Variants in ASB2 observed in about 807,000 individuals in gnomAD.
ASB2 encodes the protein ankyrin repeat and SOCS box protein 2.
A neutral mutation model predicts 62.4 loss-of-function variants in ASB2; 58 were observed. That is an observed-to-expected ratio of 0.93 (90% CI 0.75 to 1.16). The LOEUF (loss-of-function observed/expected upper bound fraction) is 1.16. Among genes scored for constraint, ASB2 ranks in the 50% most tolerant of loss-of-function variants. The pLI, the probability that ASB2 is intolerant of heterozygous loss-of-function variation, is 0.00. For synonymous variants in ASB2, 386 were observed against 385.3 expected (o/e 1.00, Z -0.02); for missense variants, 928 against 887.9 (o/e 1.05, Z -0.57).
chr14:93,954,399 T>C lies in ASB2; in HGVS notation c.396A>G (p.Ala132=), dbSNP rs937752880. 3 of 1,614,108 alleles carry C rather than the reference T, an allele frequency of 1.9e-6. No homozygotes were observed. Among genetic ancestry groups the C allele is most frequent in the Non-Finnish European group, 2.5e-6 (3 of 1,179,928 alleles). The part of the protein sequence containing the change: ...KTMIKEGKNL[A]EPNKEGWLPL... Reference sequence around the variant, plus strand: ...GCAGCCAGCCCTCCTTGTTGGGCTCTGCGAGATTCTTCCCTTCCTTGATCA... The same window carrying C: ...GCAGCCAGCCCTCCTTGTTGGGCTCCGCGAGATTCTTCCCTTCCTTGATCA... Residue 132 remains alanine, a synonymous_variant, in exon 4 of 10, where the codon GCA becomes GCG. Coordinates refer to ENST00000555019, the MANE Select transcript of ASB2 (RefSeq NM_001202429.2).
intron 3 of ASB2, 109 bp downstream of exon 3, chr14:93,956,657 T>TA (rs1889220292): frequency 1.4e-6 from 2 of 1,460,990 alleles, no homozygotes; most frequent in African/African-American, 2.8e-5. Flanking sequence ...GGTGCCTCCA[T>TA]AGTGCCCTCT....
Position 93,947,536 on chromosome 14 carries a change from A to T in ASB2, c.881-16T>A, listed in dbSNP as rs1291743666. 6.2e-7 allele frequency: 1 copy of T among 1,611,798 alleles called. No individual in the cohort carries two copies. Among genetic ancestry groups the T allele is most frequent in the South Asian group, 1.1e-5 (1 of 91,088 alleles). On this transcript the variant is annotated splice_polypyrimidine_tract_variant and intron_variant, in intron 6 of 9. Coordinates refer to ENST00000555019, the MANE Select transcript of ASB2 (RefSeq NM_001202429.2). ...ATGTCAGCACCTGGGGAAGGAGAAGAGATCAGCAAGTGGCCAAGTGACCGG... is the reference window on the plus strand; with the variant it reads ...ATGTCAGCACCTGGGGAAGGAGAAGTGATCAGCAAGTGGCCAAGTGACCGG...
In ASB2 at chr14:93,937,752, G is replaced by A; in HGVS notation, c.1717C>T (p.Leu573=). The change falls in exon 9 of 10, where the codon CTG becomes TTG. Residue 573 remains leucine (L), a synonymous_variant. Transcript: ENST00000555019. ...TCAAAGCTGTCGATGTGTTCCTTCA[G>A]CCGCGAGCAGAGCTGCACGTTGCCC... is the stretch of plus-strand genomic sequence containing the variant. ...YVGNVQLCSR[L]KEHIDSFEDW... 1 of 1,613,204 alleles carries A rather than the reference G, an allele frequency of 6.2e-7. No individual in the cohort carries two copies. The highest frequency in any genetic ancestry group is 2.2e-5 in the East Asian group (1 of 44,854).
Position 93,934,642 on chromosome 14 carries a change from C to T in ASB2, c.*14G>A, listed in dbSNP as rs912486696. On this transcript the variant is annotated 3_prime_UTR_variant, in exon 10 of 10. Coordinates refer to ENST00000555019, the MANE Select transcript of ASB2 (RefSeq NM_001202429.2). Reference sequence around the variant, plus strand: ...AGAGTCTGAGGGGCTACTCCTCTCTCCCCGTGGCCCCAGTTACTGGGTGTT... The same window carrying T: ...AGAGTCTGAGGGGCTACTCCTCTCTTCCCGTGGCCCCAGTTACTGGGTGTT... The T allele has an allele frequency of 3.1e-6, 5 of 1,613,598 alleles. No individual in the cohort carries two copies. The highest frequency in any genetic ancestry group is 4.2e-6 in the Non-Finnish European group (5 of 1,179,776).
chr14:93,963,469 G>A lies in ASB2; in HGVS notation c.206+865C>T, dbSNP rs576075987. On this transcript the variant is annotated intron_variant, in intron 2 of 9. Transcript: ENST00000555019. ...CAAATGCATTTTGAGATCAATCACC[G>A]CTCTGCTTAATCACCTCTCTAGCTC... Among the ~76,000 whole-genome samples the A allele has an allele frequency of 8.5e-5, 13 of 152,230 alleles. No homozygotes were observed. The South Asian group carries it at 1.5e-3, about 17-fold the overall frequency.
chr14:93,936,176 T>C (rs963969452), intron 9 of ASB2, among the ~76,000 whole-genome samples: 1 of 152,188 alleles, frequency 6.6e-6, no homozygotes, highest in African/African-American at 2.4e-5. Flanking sequence ...CTCTGGGTAG[T>C]TCCTTCCCAG....
Position 93,953,386 on chromosome 14 carries a change from G to A in ASB2, c.600C>T (p.Ile200=). 6.3e-7 allele frequency: 1 copy of A among 1,596,688 alleles called. No individual in the cohort carries two copies. The highest frequency in any genetic ancestry group is 8.6e-7 in the Non-Finnish European group (1 of 1,166,244). ...SLLQAGAEPD[I]SNKSRETPLY... ...GCGGTGTCTCTCGGGATTTGTTGGA[G>A]ATGTCCGGCTCTGCCCCTGCTTGGA... Residue 200 remains isoleucine (I), a synonymous_variant, in exon 5 of 10, where the codon ATC becomes ATT. Coordinates refer to ENST00000555019, the MANE Select transcript of ASB2 (RefSeq NM_001202429.2).
chr14:93,959,724 G>A (rs1020211819), intron 2 of ASB2, among the ~76,000 whole-genome samples: 4 of 151,966 alleles, frequency 2.6e-5, no homozygotes, highest in East Asian at 1.9e-4. Context: ...ATTCAGGCAC[G>A]GTCAGCCTCA....
chr14:93,942,379 G>A, intron 7 of ASB2: 3 of 435,942 alleles, frequency 6.9e-6, no homozygotes, highest in South Asian at 4.8e-5. Flanking sequence ...TGGGCCCTGA[G>A]ACCGGAGCAG....
At chr14:93,947,628 G>T in intron 6 of ASB2, 108 bp from the exon 7 acceptor site, 1 of 1,133,208 alleles carries the variant, frequency 8.8e-7, no homozygotes, top group Non-Finnish European at 1.3e-6. Context: ...GGTAATGCAC[G>T]GGACCTTTAA....
chr14:93,968,867 A>T (rs543766894), intron 1 of ASB2, among the ~76,000 whole-genome samples: 1 of 93,582 alleles, frequency 1.1e-5, no homozygotes, highest in African/African-American at 4.5e-5. Flanking sequence ...CTAGATGGAC[A>T]GGTGAATGAT....
chr14:93,934,323 G>A lies in ASB2; in HGVS notation c.*333C>T, dbSNP rs1888193569. ...TTCCAGAACAAGTGGAGGGGCACAG[G>A]GAAGGCTCTGAGCACCACCTTCCCC... On this transcript the variant is annotated 3_prime_UTR_variant, in exon 10 of 10. Coordinates refer to ENST00000555019, the MANE Select transcript of ASB2 (RefSeq NM_001202429.2). 1.5e-5 allele frequency: 7 copies of A among 460,614 alleles called. No homozygotes were observed. The highest frequency in any genetic ancestry group is 2.9e-5 in the Non-Finnish European group (7 of 237,368). The allele number at this position is 460,614 out of a possible 1,614,324, so 28.5% of individuals were successfully genotyped here. A position where few individuals can be genotyped will look rare whatever the true frequency, so the allele number is the denominator to read the frequency against.
chr14:93,944,254 A>T, intron 7 of ASB2: 1 of 218,078 alleles, frequency 4.6e-6, no homozygotes, highest in South Asian at 5.9e-5. Flanking sequence ...CAGTTTCTTA[A>T]TACGTCTATC....
intron 2 of ASB2, among the ~76,000 whole-genome samples, chr14:93,959,840 AGGCAGTGATTG>A (rs1889347679): frequency 6.6e-6 from 1 of 151,954 alleles, no homozygotes; most frequent in Non-Finnish European, 1.5e-5. Flanking sequence ...AGCCCCAGGG[AGGCAGTGATTG>A]GGCTGGGCCT....
At chr14:93,964,812 C>T (rs896802774) in intron 1 of ASB2, among the ~76,000 whole-genome samples, 200 bp from the exon 2 acceptor site, 1 of 151,842 alleles carries the variant, frequency 6.6e-6, no homozygotes, top group Non-Finnish European at 1.5e-5. Context: ...CCCACCAGCC[C>T]ATCTCACCAT....
At chr14:93,953,025 G>A (rs1233637452) in intron 5 of ASB2, among the ~76,000 whole-genome samples, 2 of 152,130 alleles carry the variant, frequency 1.3e-5, no homozygotes, top group Non-Finnish European at 2.9e-5. Flanking sequence ...TCCTCTGGGT[G>A]CCCCTCCCCC....
chr14:93,963,006 T>C (rs1889462768), intron 2 of ASB2, among the ~76,000 whole-genome samples: 1 of 149,898 alleles, frequency 6.7e-6, no homozygotes, highest in Non-Finnish European at 1.5e-5. Context: ...TTCGTACTCT[T>C]TCCGGCTGCC....
intron 5 of ASB2, among the ~76,000 whole-genome samples, 174 bp from the exon 6 acceptor site, chr14:93,951,418 A>T (rs575283987): frequency 6.6e-6 from 1 of 152,330 alleles, no homozygotes; most frequent in African/African-American, 2.4e-5. Context: ...AGTAATACTG[A>T]TACTAACATT....
At chr14:93,972,856 G>A (rs908542908) in intron 1 of ASB2, among the ~76,000 whole-genome samples, 1 of 152,228 alleles carries the variant, frequency 6.6e-6, no homozygotes, top group African/African-American at 2.4e-5. Context: ...GGGCCTCACA[G>A]CTGCTAGGAG....
Sources: gnomAD v4.1 joint callset for allele counts (sites outside exome capture counted in the v4.1 genomes callset) on GRCh38, gnomAD v4.1.1 for gene constraint, MANE v1.5 for transcripts, NCBI Gene and HGNC (gene_info 2026-07-23, HGNC 2026-07-21) for gene names.